The following CSMD1 variants were observed in gnomAD, a reference collection of about 807,000 sequenced individuals.
CSMD1 encodes CUB and Sushi multiple domains 1, also known as CUB and sushi domain-containing protein 1.
A neutral mutation model predicts 417.5 loss-of-function variants in CSMD1; 213 were observed. The observed-to-expected ratio is 0.51, with a 90% CI of 0.46 to 0.57. The LOEUF is 0.57. Ranked by LOEUF, CSMD1 falls within the 20% of genes least tolerant of loss-of-function variation. CSMD1 has a pLI of 0.00. For missense variants in CSMD1, 6,923 were observed against 4,529.7 expected (o/e 1.53, Z -15.17); for synonymous variants, 2,862 against 1,736.8 (o/e 1.65, Z -16.11).
chr8:3,175,503 G>T lies in CSMD1; in HGVS notation c.5725+5607C>A, dbSNP rs554053190. ...TTCCTTCCTGCCTGCCTGCCTGCCT[G>T]CCTGCCTTTTTTCCTTCCTTCCTTC... On this transcript the variant is annotated intron_variant, in intron 37 of 69. Coordinates refer to ENST00000635120, the MANE Select transcript of CSMD1 (RefSeq NM_033225.6). Among the ~76,000 whole-genome samples, 706 of 94,712 alleles carry T rather than the reference G, an allele frequency of 7.5e-3. 8 individuals are homozygous for T. Among genetic ancestry groups the T allele is most frequent in the African/African-American group, 0.029 (614 of 21,086 alleles). The allele number at this position is 94,712 out of a possible 152,430, so 62.1% of individuals were successfully genotyped here.
chr8:4,849,008 G>C (rs1249060400), intron 1 of CSMD1, among the ~76,000 whole-genome samples: 1 of 151,458 alleles, frequency 6.6e-6, no homozygotes, highest in Admixed American at 6.6e-5. Flanking sequence ...AGAATAAAGC[G>C]TTGTCATCCT....
chr8:4,248,599 A>C (rs1018477263), intron 3 of CSMD1, among the ~76,000 whole-genome samples: 11 of 152,180 alleles, frequency 7.2e-5, no homozygotes, highest in African/African-American at 2.7e-4. Flanking sequence ...CTGTGTTCAA[A>C]TATGAACTTC....
chr8:4,839,058 C>T (rs755064037), intron 1 of CSMD1, among the ~76,000 whole-genome samples: 2 of 152,150 alleles, frequency 1.3e-5, no homozygotes, highest in East Asian at 1.9e-4. Flanking sequence ...TTTTGCCTGT[C>T]TGCTTTGTAT....
Position 3,296,009 on chromosome 8 carries a change from C to A in CSMD1, c.3951-11663G>T, listed in dbSNP as rs527411848. 9.2e-5 allele frequency among the ~76,000 whole-genome samples: 14 copies of A among 152,006 alleles called. No individual in the cohort carries two copies. The East Asian group carries it at 1.9e-3, about 21-fold the overall frequency. On this transcript the variant is annotated intron_variant, in intron 25 of 69. Coordinates refer to ENST00000635120, the MANE Select transcript of CSMD1 (RefSeq NM_033225.6). ...GGAAGAGATAGGCAAACCACAGCAT[C>A]CACAATAATACAGGGAAGAGACAGG...
At chr8:3,995,386 ACT>A (rs58980204) in intron 5 of CSMD1, among the ~76,000 whole-genome samples, 28,179 of 152,020 alleles carry the variant, frequency 0.19, 2,964 homozygotes, top group Non-Finnish European at 0.23. Flanking sequence ...CACACAAAAC[ACT>A]CTGTTGACCC....
rs1554479722 is a variant in CSMD1 at position 3,589,379 on chromosome 8, G to GCT, written c.1098-3120_1098-3119insAG. 1.7e-3 allele frequency among the ~76,000 whole-genome samples: 250 copies of GCT among 150,052 alleles called. 1 individual carries two copies. The highest frequency in any genetic ancestry group is 5.3e-3 in the African/African-American group (218 of 40,980). The stretch of plus-strand genomic sequence containing the variant: ...ACTGAGAAATGGATAAAGAAAATGT[G>GCT]GTGTGTGTGTGTGTGTGTGTGTGTG... On this transcript the variant is annotated intron_variant, in intron 8 of 69. Transcript: ENST00000635120.
At chr8:3,300,652 G>A (rs1804320373) in intron 25 of CSMD1, among the ~76,000 whole-genome samples, 1 of 151,980 alleles carries the variant, frequency 6.6e-6, no homozygotes, top group Non-Finnish European at 1.5e-5. Context: ...ACATCATTAT[G>A]TACAACATGA....
chr8:4,777,051 C>G (rs11136769), intron 1 of CSMD1, among the ~76,000 whole-genome samples: 2 of 151,942 alleles, frequency 1.3e-5, no homozygotes, highest in Admixed American at 6.6e-5. Context: ...ATGGTGAACT[C>G]CAGCCTGTAT....
At chr8:3,128,989 A>C in intron 41 of CSMD1, 1 of 390,406 alleles carries the variant, frequency 2.6e-6, no homozygotes, top group Non-Finnish European at 5.0e-6. Context: ...GCATGGAGTT[A>C]AGTGTGAAGC....
At chr8:3,436,868 T>C (rs1410682259) in intron 12 of CSMD1, among the ~76,000 whole-genome samples, 2 of 152,162 alleles carry the variant, frequency 1.3e-5, no homozygotes, top group Admixed American at 1.3e-4. Flanking sequence ...TTATTAGAGA[T>C]GAAAACATTA....
chr8:4,692,111 T>A (rs1234544872), intron 1 of CSMD1, among the ~76,000 whole-genome samples: 1 of 152,112 alleles, frequency 6.6e-6, no homozygotes, highest in African/African-American at 2.4e-5. Context: ...CCTGGCACCC[T>A]GGTACTCAGC....
At chr8:4,041,623 A>C (rs1217740975) in intron 3 of CSMD1, among the ~76,000 whole-genome samples, 1 of 152,204 alleles carries the variant, frequency 6.6e-6, no homozygotes, top group Non-Finnish European at 1.5e-5. Flanking sequence ...CAAAAAAGTA[A>C]GAAGATATCC....
At chr8:3,159,821 T>C (rs1318148610) in intron 38 of CSMD1, among the ~76,000 whole-genome samples, 1 of 152,224 alleles carries the variant, frequency 6.6e-6, no homozygotes, top group Non-Finnish European at 1.5e-5. Flanking sequence ...TAATCCATTA[T>C]AAGAAATTTC....
intron 5 of CSMD1, among the ~76,000 whole-genome samples, chr8:3,765,793 T>C (rs973778646): frequency 3.3e-5 from 5 of 152,172 alleles, no homozygotes; most frequent in Admixed American, 1.3e-4. Flanking sequence ...TCCAGAGTCC[T>C]ACGGGTGGAG....
intron 1 of CSMD1, among the ~76,000 whole-genome samples, chr8:4,660,246 C>G (rs1804505974): frequency 6.6e-6 from 1 of 151,846 alleles, no homozygotes; most frequent in Non-Finnish European, 1.5e-5. Flanking sequence ...ATTCCCATAA[C>G]CAGTAAGTGA....
intron 1 of CSMD1, among the ~76,000 whole-genome samples, chr8:4,688,114 G>C (rs1806507507): frequency 6.6e-6 from 1 of 152,096 alleles, no homozygotes; most frequent in African/African-American, 2.4e-5. Flanking sequence ...TGTAGAAATT[G>C]GAGGATTGTA....
intron 5 of CSMD1, among the ~76,000 whole-genome samples, chr8:3,787,276 C>T (rs1035311571): frequency 6.6e-6 from 1 of 151,976 alleles, no homozygotes; most frequent in East Asian, 1.9e-4. Context: ...TGTGAAAAAC[C>T]ATAATCAATT....
intron 12 of CSMD1, among the ~76,000 whole-genome samples, chr8:3,434,889 C>A (rs1020019834): frequency 6.6e-6 from 1 of 152,184 alleles, no homozygotes; most frequent in Non-Finnish European, 1.5e-5. Flanking sequence ...CAGGAAATAT[C>A]GGGAATACTT....
chr8:3,542,184 T>G (rs573854200), intron 10 of CSMD1, among the ~76,000 whole-genome samples: 3 of 152,306 alleles, frequency 2.0e-5, no homozygotes, highest in Admixed American at 1.3e-4. Context: ...ACTAAGAGTC[T>G]TGCTTGACCT....
Sources: allele counts gnomAD v4.1 joint callset (sites outside exome capture counted in the v4.1 genomes callset), GRCh38; gene constraint gnomAD v4.1.1; transcripts MANE v1.5; gene names NCBI Gene and HGNC (gene_info 2026-07-23, HGNC 2026-07-21).